The following ATP8A2 variants were observed in gnomAD, a reference collection of about 807,000 sequenced individuals.
ATP8A2 encodes the protein phospholipid-transporting ATPase IB.
A neutral mutation model predicts 165.6 loss-of-function variants in ATP8A2; 100 were observed. That is an observed-to-expected ratio of 0.60 (90% CI 0.51 to 0.71). The LOEUF (loss-of-function observed/expected upper bound fraction) is 0.71. Among genes scored for constraint, ATP8A2 ranks in the 30% least tolerant of loss-of-function variants. ATP8A2 has a pLI of 0.00. For missense variants in ATP8A2, 1,227 were observed against 1,479.5 expected, an observed-to-expected ratio of 0.83 and a Z score of 2.80; for synonymous variants, 543 against 548.8, an observed-to-expected ratio of 0.99 and a Z score of 0.15.
At chr13:25,899,534 G>GGCCTC (rs1953671495) in intron 33 of ATP8A2, among the ~76,000 whole-genome samples, 2 of 152,086 alleles carry the variant, frequency 1.3e-5, no homozygotes, top group Admixed American at 1.3e-4. Flanking sequence ...GGATAATAGA[G>GGCCTC]GCCTCCCAGG....
At chr13:25,425,494 G>A (rs2034421567) in intron 1 of ATP8A2, among the ~76,000 whole-genome samples, 1 of 79,404 alleles carries the variant, frequency 1.3e-5, no homozygotes, top group Non-Finnish European at 2.6e-5. Context: ...ATGGAGTCTC[G>A]CTCTAGTACT....
intron 33 of ATP8A2, among the ~76,000 whole-genome samples, chr13:25,929,832 A>G (rs1195409149): frequency 6.6e-6 from 1 of 152,206 alleles, no homozygotes; most frequent in African/African-American, 2.4e-5. Flanking sequence ...TCTAAAAAAA[A>G]CCCAAAATCC....
chr13:25,450,654 C>T (rs1221474831), intron 1 of ATP8A2, among the ~76,000 whole-genome samples: 1 of 152,104 alleles, frequency 6.6e-6, no homozygotes, highest in Non-Finnish European at 1.5e-5. Context: ...GCTTCAGCCT[C>T]CCGAGTAGCT....
At position 25,379,691 on chromosome 13, in the gene ATP8A2, A is replaced by G. The variant is rs1281117634; in HGVS notation, c.76+7403A>G. 3.3e-5 allele frequency among the ~76,000 whole-genome samples: 5 copies of G among 152,176 alleles called. No individual in the cohort carries two copies. The East Asian group carries it at 9.6e-4, about 29-fold the overall frequency. On this transcript the variant is annotated intron_variant, in intron 1 of 36. Transcript: ENST00000381655. ...CTCAGTAGTTACTGTATATGTAGCAAACTAAGTGGTCTTCTGGGACTCGGC... is the reference window on the plus strand; with the variant it reads ...CTCAGTAGTTACTGTATATGTAGCAGACTAAGTGGTCTTCTGGGACTCGGC...
At chr13:25,650,330 C>A (rs2041782579) in intron 24 of ATP8A2, among the ~76,000 whole-genome samples, 1 of 152,170 alleles carries the variant, frequency 6.6e-6, no homozygotes, top group African/African-American at 2.4e-5. Flanking sequence ...AAACCTGTGA[C>A]CTCCTATCCC....
intron 33 of ATP8A2, among the ~76,000 whole-genome samples, chr13:25,949,678 T>A (rs1312217441): frequency 6.6e-6 from 1 of 152,236 alleles, no homozygotes; most frequent in African/African-American, 2.4e-5. Context: ...CAGGTGCCTC[T>A]GCAGCCCTTC....
At chr13:25,776,788 T>G (rs2044753033) in intron 27 of ATP8A2, among the ~76,000 whole-genome samples, 1 of 152,182 alleles carries the variant, frequency 6.6e-6, no homozygotes, top group Non-Finnish European at 1.5e-5. Context: ...TTCCCAGCAT[T>G]TTGTGCTCCT....
chr13:25,944,270 G>T (rs1210285418), intron 33 of ATP8A2, among the ~76,000 whole-genome samples: 2 of 152,248 alleles, frequency 1.3e-5, no homozygotes, highest in Non-Finnish European at 2.9e-5. Flanking sequence ...ACTTTGGGAG[G>T]CTGAGGTGGG....
In ATP8A2 at chr13:25,627,903, C is replaced by T. The variant is rs140294918; in HGVS notation, c.2211+38204C>T. Among the ~76,000 whole-genome samples, 569 of 152,270 alleles carry T rather than the reference C, an allele frequency of 3.7e-3. 4 individuals carry two copies. Among genetic ancestry groups the T allele is most frequent in the African/African-American group, 0.013 (555 of 41,558 alleles). On this transcript the variant is annotated intron_variant, in intron 24 of 36. Coordinates refer to ENST00000381655, the MANE Select transcript of ATP8A2 (RefSeq NM_016529.6). Reference sequence around the variant, plus strand: ...GATGCCAGCTCTCACCATCAAGGCTCATAAGTGCTATGAGCCAGATGCAAG... The same window carrying T: ...GATGCCAGCTCTCACCATCAAGGCTTATAAGTGCTATGAGCCAGATGCAAG...
chr13:25,508,599 C>T (rs1409421366), intron 2 of ATP8A2, among the ~76,000 whole-genome samples: 2 of 152,128 alleles, frequency 1.3e-5, no homozygotes, highest in Non-Finnish European at 2.9e-5. Flanking sequence ...TTTGGCAACC[C>T]TCTGATTATG....
intron 19 of ATP8A2, among the ~76,000 whole-genome samples, chr13:25,575,635 T>G (rs2138204979): frequency 6.6e-6 from 1 of 152,300 alleles, no homozygotes; most frequent in Non-Finnish European, 1.5e-5. Flanking sequence ...TTTATCTTTG[T>G]GTAGGAAATA....
chr13:25,580,610 T>G (rs2039748068), intron 22 of ATP8A2, among the ~76,000 whole-genome samples: 1 of 152,202 alleles, frequency 6.6e-6, no homozygotes, highest in Admixed American at 6.5e-5. Context: ...CATAGGTCAC[T>G]GCAGCCTCAA....
At chr13:25,713,479 T>C (rs895799477) in intron 25 of ATP8A2, among the ~76,000 whole-genome samples, 4 of 152,212 alleles carry the variant, frequency 2.6e-5, no homozygotes, top group Non-Finnish European at 5.9e-5. Flanking sequence ...AGCTTTCATG[T>C]AGACGTTCTG....
intron 2 of ATP8A2, among the ~76,000 whole-genome samples, chr13:25,477,336 A>T (rs974057978): frequency 6.6e-6 from 1 of 152,202 alleles, no homozygotes; most frequent in Middle Eastern, 3.2e-3. Flanking sequence ...AGCATTTATG[A>T]TTTTTGATTA....
At chr13:25,457,378 T>A (rs1184478903) in intron 1 of ATP8A2, among the ~76,000 whole-genome samples, 2 of 152,210 alleles carry the variant, frequency 1.3e-5, no homozygotes, top group Non-Finnish European at 2.9e-5. Flanking sequence ...AGATGATTTA[T>A]GTAGGTAAAA....
intron 1 of ATP8A2, among the ~76,000 whole-genome samples, chr13:25,385,630 AAT>A (rs766154901): frequency 6.6e-6 from 1 of 152,108 alleles, no homozygotes; most frequent in Non-Finnish European, 1.5e-5. Flanking sequence ...CTCTTCATAT[AAT>A]TCGAATTTCA....
chr13:25,449,222 CCTTT>C (rs556193925), intron 1 of ATP8A2, among the ~76,000 whole-genome samples: 5 of 152,044 alleles, frequency 3.3e-5, no homozygotes, highest in Admixed American at 1.3e-4. Flanking sequence ...TTATTTTAGA[CCTTT>C]CTATTTTTCT....
At chr13:25,583,269 C>G (rs950564805) in intron 23 of ATP8A2, among the ~76,000 whole-genome samples, 2 of 152,144 alleles carry the variant, frequency 1.3e-5, no homozygotes, top group South Asian at 2.1e-4. Context: ...GCCTAAAACA[C>G]CTGCTATGGA....
intron 24 of ATP8A2, among the ~76,000 whole-genome samples, chr13:25,653,652 C>T (rs906425041): frequency 7.2e-5 from 11 of 152,210 alleles, no homozygotes; most frequent in Non-Finnish European, 1.5e-4. Context: ...TTGCTGTTGT[C>T]TCCTTAATCA....
Sources: allele counts gnomAD v4.1 joint callset (sites outside exome capture counted in the v4.1 genomes callset), GRCh38; gene constraint gnomAD v4.1.1; transcripts MANE v1.5; gene names NCBI Gene and HGNC (gene_info 2026-07-23, HGNC 2026-07-21).